Variants in CACNA1E observed in about 807,000 individuals in gnomAD.
CACNA1E encodes the protein calcium voltage-gated channel subunit alpha1 E.
CACNA1E carries 40 observed loss-of-function variants against 259.2 expected under a neutral mutation model. The observed-to-expected ratio is 0.15, with a 90% CI of 0.12 to 0.20. The LOEUF (loss-of-function observed/expected upper bound fraction) is 0.20, where lower values mean the gene tolerates loss of function less well. Ranked by LOEUF, CACNA1E falls within the 10% of genes least tolerant of loss-of-function variation. The pLI is 1.00. For missense variants in CACNA1E, 1,874 were observed against 3,040.1 expected (o/e 0.62, Z 9.02); for synonymous variants, 1,104 against 1,138.5 (o/e 0.97, Z 0.61).
intron 6 of CACNA1E, among the ~76,000 whole-genome samples, chr1:181,620,590 T>C (rs1412648027): frequency 6.6e-6 from 1 of 152,180 alleles, no homozygotes; most frequent in Non-Finnish European, 1.5e-5. Flanking sequence ...CCCAAATGGA[T>C]TGTGCTATAC....
intron 6 of CACNA1E, among the ~76,000 whole-genome samples, chr1:181,636,411 C>T (rs1558211432): frequency 6.6e-6 from 1 of 152,182 alleles, no homozygotes; most frequent in East Asian, 1.9e-4. Context: ...ATAGTAATTA[C>T]TCCAAAACAC....
chr1:181,570,179 A>G (rs1037489926), intron 3 of CACNA1E, among the ~76,000 whole-genome samples: 3 of 150,314 alleles, frequency 2.0e-5, no homozygotes, highest in Non-Finnish European at 4.4e-5. Context: ...TTTTTTTTTA[A>G]AGTTCTTCCT....
At chr1:181,515,924 G>A (rs901903258) in intron 3 of CACNA1E, among the ~76,000 whole-genome samples, 4 of 152,150 alleles carry the variant, frequency 2.6e-5, no homozygotes, top group African/African-American at 9.7e-5. Flanking sequence ...AATGAGTGCT[G>A]GGGGAAGGCT....
chr1:181,373,719 A>G (rs1227355846), intron 1 of CACNA1E, among the ~76,000 whole-genome samples: 1 of 151,626 alleles, frequency 6.6e-6, no homozygotes, highest in African/African-American at 2.4e-5. Context: ...TTGTATTTTT[A>G]GTAGAGACGG....
rs541947971 is a variant in CACNA1E, at chr1:181,630,151, A to G, written c.952-21187A>G. On this transcript the variant is annotated intron_variant, in intron 6 of 47. Coordinates refer to ENST00000367573, the MANE Select transcript of CACNA1E (RefSeq NM_001205293.3). ...AGGGTGGGGGCAAGTAACTTTTTCT[A>G]TATACATCTTTGTATGCAGTTGTAT... is the stretch of plus-strand genomic sequence containing the variant. Among the ~76,000 whole-genome samples, 7 of 152,280 alleles carry G rather than the reference A, an allele frequency of 4.6e-5. No individual in the cohort carries two copies. In the East Asian group the frequency reaches 9.6e-4, roughly 21 times the overall value.
chr1:181,620,717 G>C (rs1655646571), intron 6 of CACNA1E, among the ~76,000 whole-genome samples: 1 of 152,336 alleles, frequency 6.6e-6, no homozygotes, highest in Middle Eastern at 3.4e-3. Flanking sequence ...AAGATGGAAG[G>C]TGCCAGACAA....
chr1:181,475,638 A>T (rs990680323), intron 2 of CACNA1E, among the ~76,000 whole-genome samples: 5 of 152,222 alleles, frequency 3.3e-5, no homozygotes, highest in Non-Finnish European at 7.3e-5. Context: ...GATAGGTTGA[A>T]TTCTGATTGC....
At chr1:181,463,510 G>A (rs1319601545) in intron 2 of CACNA1E, among the ~76,000 whole-genome samples, 2 of 152,114 alleles carry the variant, frequency 1.3e-5, no homozygotes, top group African/African-American at 2.4e-5. Flanking sequence ...GTGCCAATCT[G>A]ATGGGTGTGA....
At chr1:181,557,379 G>A (rs186211604) in intron 3 of CACNA1E, among the ~76,000 whole-genome samples, 39 of 152,320 alleles carry the variant, frequency 2.6e-4, no homozygotes, top group Non-Finnish European at 4.1e-4. Flanking sequence ...TCTGGAAAAT[G>A]CCACCAGGAG....
rs537143361 is a variant in CACNA1E, at chr1:181,617,473, C to A, written c.952-33865C>A. ...TCATCAGGAATCTGAGTTTGTCCTG[C>A]AACAAGTGAATCGGTGCAACTCCCT... On this transcript the variant is annotated intron_variant, in intron 6 of 47. Coordinates refer to ENST00000367573, the MANE Select transcript of CACNA1E (RefSeq NM_001205293.3). 5.3e-5 allele frequency among the ~76,000 whole-genome samples: 8 copies of A among 152,304 alleles called. No homozygotes were observed. In the South Asian group the frequency reaches 1.5e-3, roughly 28 times the overall value.
intron 17 of CACNA1E, among the ~76,000 whole-genome samples, chr1:181,725,678 CCCTGCT>C (rs1489035199): frequency 2.0e-5 from 3 of 152,202 alleles, no homozygotes; most frequent in Non-Finnish European, 4.4e-5. Context: ...CCTGGAAGGC[CCCTGCT>C]CCATCACTTC....
At chr1:181,351,566 A>G (rs1653047758) in intron 1 of CACNA1E, among the ~76,000 whole-genome samples, 1 of 152,192 alleles carries the variant, frequency 6.6e-6, no homozygotes, top group Non-Finnish European at 1.5e-5. Context: ...AGATGTCCTC[A>G]ATTAGTATCA....
intron 1 of CACNA1E, among the ~76,000 whole-genome samples, chr1:181,378,498 A>G (rs1655247789): frequency 6.6e-6 from 1 of 152,204 alleles, no homozygotes; most frequent in African/African-American, 2.4e-5. Context: ...GAGACCAAAG[A>G]GATTAGAGTT....
intron 1 of CACNA1E, among the ~76,000 whole-genome samples, chr1:181,331,751 G>T (rs1334261934): frequency 6.6e-6 from 1 of 152,148 alleles, no homozygotes; most frequent in Non-Finnish European, 1.5e-5. Context: ...ATTTGTAGAG[G>T]TCATTCAAAC....
intron 1 of CACNA1E, among the ~76,000 whole-genome samples, chr1:181,325,461 C>A (rs1650702591): frequency 6.6e-6 from 1 of 152,066 alleles, no homozygotes; most frequent in Non-Finnish European, 1.5e-5. Flanking sequence ...CCACATAGCA[C>A]CCTCGAGAAC....
At chr1:181,748,154 T>G (rs1423749387) in intron 25 of CACNA1E, among the ~76,000 whole-genome samples, 3 of 152,212 alleles carry the variant, frequency 2.0e-5, no homozygotes, top group Admixed American at 6.5e-5. Context: ...ACTTTTGGCC[T>G]GTGTCTGATT....
intron 6 of CACNA1E, among the ~76,000 whole-genome samples, chr1:181,619,002 T>A (rs1341801332): frequency 1.3e-5 from 2 of 152,214 alleles, no homozygotes; most frequent in African/African-American, 4.8e-5. Flanking sequence ...GGTTCATTCA[T>A]ATAACAAATT....
At chr1:181,597,262 T>A in intron 6 of CACNA1E, among the ~76,000 whole-genome samples, 1 of 152,234 alleles carries the variant, frequency 6.6e-6, no homozygotes, top group East Asian at 1.9e-4. Context: ...TCATGGTCAG[T>A]TCTGTAGTGA....
chr1:181,674,212 T>A (rs1649117424), intron 7 of CACNA1E, among the ~76,000 whole-genome samples: 1 of 119,414 alleles, frequency 8.4e-6, no homozygotes, highest in Admixed American at 9.0e-5. Context: ...ACCCCGTCTC[T>A]ACTAAAAATA....
Sources: gnomAD v4.1 joint callset for allele counts (sites outside exome capture counted in the v4.1 genomes callset) on GRCh38, gnomAD v4.1.1 for gene constraint, MANE v1.5 for transcripts, NCBI Gene and HGNC (gene_info 2026-07-23, HGNC 2026-07-21) for gene names.